The following CHD7 variants were observed in gnomAD, a reference collection of about 807,000 sequenced individuals.
CHD7 encodes chromodomain helicase DNA binding protein 7.
Under a neutral mutation model 307.3 loss-of-function variants are expected in CHD7, and 24 were observed. The ratio of observed to expected loss-of-function variants is 0.08; its 90% CI spans 0.06 to 0.11. The LOEUF is 0.11. CHD7 is among the 10% of genes least tolerant of loss of function. The pLI is 1.00. For missense variants in CHD7, 3,106 were observed against 3,727.1 expected, an observed-to-expected ratio of 0.83 and a Z score of 4.34; for synonymous variants, 1,363 against 1,349.9, an observed-to-expected ratio of 1.01 and a Z score of -0.21.
Position 60,689,725 on chromosome 8 carries a change from G to A in CHD7, c.-175+10643G>A, listed in dbSNP as rs897501470. On this transcript the variant is annotated intron_variant, in intron 1 of 37. Coordinates refer to ENST00000423902, the MANE Select transcript of CHD7 (RefSeq NM_017780.4). Reference sequence around the variant, plus strand: ...ATAGTCAGTGAGGCCTCTTTCCTCAGATGTTGTATCTTATCAATGGCAGAC... The same window carrying A: ...ATAGTCAGTGAGGCCTCTTTCCTCAAATGTTGTATCTTATCAATGGCAGAC... Among the ~76,000 whole-genome samples, 9 of 152,194 alleles carry A rather than the reference G, an allele frequency of 5.9e-5. 1 individual carries two copies. Among genetic ancestry groups the A allele is most frequent in the Non-Finnish European group, 8.8e-5 (6 of 68,032 alleles).
intron 2 of CHD7, among the ~76,000 whole-genome samples, chr8:60,751,106 TTGTC>T (rs1395422745): frequency 6.6e-6 from 1 of 152,252 alleles, no homozygotes; most frequent in African/African-American, 2.4e-5. Flanking sequence ...AATAGCGTGT[TTGTC>T]TGAAAGGTGG....
intron 15 of CHD7, among the ~76,000 whole-genome samples, chr8:60,833,515 T>C (rs1273523110): frequency 6.6e-6 from 1 of 152,230 alleles, no homozygotes; most frequent in East Asian, 1.9e-4. Flanking sequence ...TAGTAACTTT[T>C]TTTTTCTGGT....
At position 60,856,488 on chromosome 8, in the gene CHD7, G is replaced by A; in HGVS notation, c.7208G>A (p.Arg2403Lys). 1 of 1,613,706 alleles carries A rather than the reference G, an allele frequency of 6.2e-7. No homozygotes were observed. The highest frequency in any genetic ancestry group is 2.2e-5 in the East Asian group (1 of 44,878). ...NLSVPRQRRR[R>K]RRKIEIEAER... is the part of the protein sequence containing the mutation. ...TCTGTCCCTCGCCAGCGGAGGAGGA[G>A]GAGGAGAAAAATCGAAATTGAGGCC... Residue 2403 changes from arginine to lysine, a missense_variant, in exon 34 of 38, where the codon AGG (arginine) becomes AAG (lysine). By Grantham distance (26) the Arg-to-Lys change is conservative. Around this residue, in one of 10 missense-constraint regions of CHD7, gnomAD observed 1,030 missense variants for 1,165.4 expected, o/e 0.88. Transcript: ENST00000423902.
At chr8:60,858,925 G>T (rs1273873575) in intron 34 of CHD7, among the ~76,000 whole-genome samples, 1 of 152,170 alleles carries the variant, frequency 6.6e-6, no homozygotes, top group East Asian at 1.9e-4. Context: ...ACACAGCTTT[G>T]TCTCTGGATC....
At chr8:60,719,677 G>A (rs1050707497) in intron 1 of CHD7, among the ~76,000 whole-genome samples, 2 of 152,120 alleles carry the variant, frequency 1.3e-5, no homozygotes, top group African/African-American at 4.8e-5. Flanking sequence ...AGCACTGGGG[G>A]ACCCTCCTCA....
chr8:60,839,071 A>C lies in CHD7; in HGVS notation c.4533+816A>C, dbSNP rs946925698. Reference sequence around the variant, plus strand: ...CAGAAAGGTCCTCATGCTCATTAGCAATCATTCCCCATTCCTATCCATACC... The same window carrying C: ...CAGAAAGGTCCTCATGCTCATTAGCCATCATTCCCCATTCCTATCCATACC... On this transcript the variant is annotated intron_variant, in intron 19 of 37. Transcript: ENST00000423902. 5.9e-5 allele frequency among the ~76,000 whole-genome samples: 9 copies of C among 152,336 alleles called. No individual in the cohort carries two copies. In the South Asian group the frequency reaches 1.9e-3, roughly 32 times the overall value.
At chr8:60,816,280 T>C in intron 7 of CHD7, 107 bp from the exon 8 acceptor site, 1 of 664,438 alleles carries the variant, frequency 1.5e-6, no homozygotes, top group South Asian at 1.8e-5. Context: ...TAATGGGTAA[T>C]TAAGCAGGTT....
At chr8:60,696,506 T>TA (rs1311304733) in intron 1 of CHD7, among the ~76,000 whole-genome samples, 1 of 152,204 alleles carries the variant, frequency 6.6e-6, no homozygotes, top group Admixed American at 6.5e-5. Flanking sequence ...TAACAGTACT[T>TA]ACTAGTTCAC....
At chr8:60,745,247 C>T (rs775554135) in intron 2 of CHD7, among the ~76,000 whole-genome samples, 25 of 152,158 alleles carry the variant, frequency 1.6e-4, no homozygotes, top group Non-Finnish European at 3.2e-4. Context: ...TATTTTAGAG[C>T]AGTGGTTTCT....
intron 2 of CHD7, among the ~76,000 whole-genome samples, chr8:60,763,578 C>A (rs1810326355): frequency 6.6e-6 from 1 of 151,880 alleles, no homozygotes; most frequent in Admixed American, 6.6e-5. Flanking sequence ...AGGTTTATTT[C>A]TTTAATATTT....
intron 23 of CHD7, among the ~76,000 whole-genome samples, chr8:60,846,278 AT>A (rs1805209243): frequency 6.6e-6 from 1 of 152,088 alleles, no homozygotes; most frequent in South Asian, 2.1e-4. Context: ...TTCATGTATT[AT>A]TTTTTGCTTA....
At chr8:60,691,475 C>T (rs1011753706) in intron 1 of CHD7, among the ~76,000 whole-genome samples, 3 of 152,200 alleles carry the variant, frequency 2.0e-5, no homozygotes, top group Non-Finnish European at 4.4e-5. Context: ...TACACTACTT[C>T]GTGTAAGGAA....
chr8:60,770,448 G>A (rs1044409182), intron 2 of CHD7, among the ~76,000 whole-genome samples: 3 of 152,142 alleles, frequency 2.0e-5, no homozygotes, highest in Admixed American at 6.5e-5. Context: ...TGACCCCTCA[G>A]CAGTGTTTAT....
intron 7 of CHD7, among the ~76,000 whole-genome samples, chr8:60,816,185 C>T (rs1803738895): frequency 6.6e-6 from 1 of 150,904 alleles, no homozygotes; most frequent in Non-Finnish European, 1.5e-5. Flanking sequence ...AGGCTTAGGA[C>T]AGAAGGCAAA....
chr8:60,825,876 A>C (rs1804234327), intron 13 of CHD7, among the ~76,000 whole-genome samples: 1 of 152,076 alleles, frequency 6.6e-6, no homozygotes, highest in Non-Finnish European at 1.5e-5. Context: ...TCTAGGGTAC[A>C]TATGCAGAAT....
At chr8:60,825,793 T>C (rs1218418213) in intron 13 of CHD7, among the ~76,000 whole-genome samples, 1 of 152,056 alleles carries the variant, frequency 6.6e-6, no homozygotes, top group African/African-American at 2.4e-5. Flanking sequence ...CATTGGTGAG[T>C]ACACATTAAT....
intron 9 of CHD7, among the ~76,000 whole-genome samples, chr8:60,821,544 G>GTA (rs138906255): frequency 6.6e-6 from 1 of 151,028 alleles, no homozygotes; most frequent in African/African-American, 2.4e-5. Context: ...ATGTATATAT[G>GTA]TATATATATA....
rs1280305079 is a variant in CHD7 at position 60,741,485 on chromosome 8, G to A, written c.53G>A (p.Ser18Asn). The change falls in exon 2 of 38, where the codon AGT (serine) becomes AAT (asparagine). Residue 18 changes from serine (S) to asparagine (N), a missense_variant. Ser to Asn is a conservative substitution (Grantham distance 46). Around this residue, in one of 10 missense-constraint regions of CHD7, gnomAD observed 998 missense variants for 1,004.5 expected, o/e 0.99. Coordinates refer to ENST00000423902, the MANE Select transcript of CHD7 (RefSeq NM_017780.4). ...TTTGGCGAGGATGGGAATATTTTCA[G>A]TGAAGGTCTTGAAGGCCTCGGAGAA... is the stretch of plus-strand genomic sequence containing the variant. ...SLFGEDGNIF[S>N]EGLEGLGECG... 1 of 1,612,358 alleles carries A rather than the reference G, an allele frequency of 6.2e-7. No homozygotes were observed. Among genetic ancestry groups the A allele is most frequent in the Admixed American group, 1.7e-5 (1 of 59,852 alleles).
chr8:60,836,929 G>A lies in CHD7; in HGVS notation c.4102G>A (p.Ala1368Thr). 1 of 1,613,624 alleles carries A rather than the reference G, an allele frequency of 6.2e-7. No homozygotes were observed. Among genetic ancestry groups the A allele is most frequent in the South Asian group, 1.1e-5 (1 of 91,052 alleles). ...GTTTGTTTTCCTCCTGTGTACAAGGGCAGGAGGTTTAGGCATTAACCTCAC... is the reference window on the plus strand; with the variant it reads ...GTTTGTTTTCCTCCTGTGTACAAGGACAGGAGGTTTAGGCATTAACCTCAC... ...DRFVFLLCTR[A>T]GGLGINLTAA... is the part of the protein sequence containing the mutation. The change falls in exon 17 of 38, where the codon GCA becomes ACA. Residue 1368 changes from alanine to threonine, a missense_variant. Around this residue, in one of 10 missense-constraint regions of CHD7, gnomAD observed 5 missense variants for 35.1 expected, o/e 0.14. Transcript: ENST00000423902.
Sources: allele counts gnomAD v4.1 joint callset (sites outside exome capture counted in the v4.1 genomes callset), GRCh38; gene constraint gnomAD v4.1.1; regional missense constraint gnomAD v4.1.1; transcripts MANE v1.5; gene names NCBI Gene and HGNC (gene_info 2026-07-23, HGNC 2026-07-21).